Variants in IL1RAPL2 observed in about 807,000 individuals in gnomAD.
IL1RAPL2 encodes the protein X-linked interleukin-1 receptor accessory protein-like 2.
In IL1RAPL2, 3 loss-of-function variants were observed where a neutral mutation model predicts 44.1. The ratio of observed to expected loss-of-function variants is 0.07; its 90% CI spans 0.03 to 0.18. The LOEUF (loss-of-function observed/expected upper bound fraction) is 0.18. Ranked by LOEUF, IL1RAPL2 falls within the 10% of genes least tolerant of loss-of-function variation. The pLI, the probability that IL1RAPL2 is intolerant of heterozygous loss-of-function variation, is 1.00. For synonymous variants in IL1RAPL2, 181 were observed against 178.8 expected (o/e 1.01, Z -0.10); for missense variants, 391 against 496.4 (o/e 0.79, Z 2.02).
chrX:105,572,337 C>T (rs1398178489), intron 6 of IL1RAPL2, among the ~76,000 whole-genome samples: 1 of 111,874 alleles, frequency 8.9e-6, no homozygotes, highest in Non-Finnish European at 1.9e-5. Flanking sequence ...TGTTTATTTT[C>T]TGAGTGAAAG....
At chrX:105,093,013 C>T (rs1161159121) in intron 2 of IL1RAPL2, among the ~76,000 whole-genome samples, 4 of 111,381 alleles carry the variant, frequency 3.6e-5, no homozygotes, top group Admixed American at 1.9e-4. Context: ...TCATAGCTCT[C>T]AAATTTGAAC....
chrX:105,041,624 T>G (rs1480577406), intron 2 of IL1RAPL2, among the ~76,000 whole-genome samples: 3 of 109,760 alleles, frequency 2.7e-5, no homozygotes, highest in Non-Finnish European at 5.7e-5. Flanking sequence ...CTAGGAAGAA[T>G]CAATATCGTG....
intron 3 of IL1RAPL2, among the ~76,000 whole-genome samples, chrX:105,217,041 G>T (rs1165656648): frequency 9.3e-6 from 1 of 107,839 alleles, no homozygotes; most frequent in East Asian, 2.9e-4. Flanking sequence ...ACATAGGCAT[G>T]GGCAAGGACT....
chrX:105,134,264 G>T (rs978652645), intron 2 of IL1RAPL2, among the ~76,000 whole-genome samples: 1 of 112,159 alleles, frequency 8.9e-6, no homozygotes, highest in South Asian at 3.7e-4. Flanking sequence ...ATTAGCCAAT[G>T]GCTTAAATGA....
At position 105,329,168 on chromosome X, in the gene IL1RAPL2, T is replaced by A. The variant is rs1356624567; in HGVS notation, c.697+61627T>A. ...CAACAGAACTGATACATTGTTGAGA[T>A]GACCCAGGACCTGGAAGTGTAGGGA... On this transcript the variant is annotated intron_variant, in intron 5 of 10. Coordinates refer to ENST00000372582, the MANE Select transcript of IL1RAPL2 (RefSeq NM_017416.2). Among the ~76,000 whole-genome samples the A allele has an allele frequency of 3.6e-5, 4 of 112,498 alleles. No individual in the cohort carries two copies. The Admixed American group carries it at 3.8e-4, about 11-fold the overall frequency.
intron 5 of IL1RAPL2, among the ~76,000 whole-genome samples, chrX:105,447,426 TATATAA>T (rs2035974208): frequency 1.4e-5 from 1 of 71,396 alleles, no homozygotes; most frequent in Non-Finnish European, 2.3e-5. Context: ...TATATAAATA[TATATAA>T]ATATAAGTAT....
At chrX:105,057,150 C>G (rs1013594622) in intron 2 of IL1RAPL2, among the ~76,000 whole-genome samples, 1 of 109,484 alleles carries the variant, frequency 9.1e-6, no homozygotes, top group Non-Finnish European at 1.9e-5. Flanking sequence ...CAACAAAATG[C>G]TTTCTGCTCA....
chrX:105,219,557 G>C (rs2033919184), intron 3 of IL1RAPL2: 1 of 1,207,018 alleles, frequency 8.3e-7, no homozygotes, highest in Non-Finnish European at 1.1e-6. Flanking sequence ...GCCTCCACAG[G>C]GGGAGCCATG....
chrX:104,948,629 C>G (rs1468179138), intron 2 of IL1RAPL2, among the ~76,000 whole-genome samples: 11 of 111,065 alleles, frequency 9.9e-5, no homozygotes, highest in African/African-American at 2.9e-4. Context: ...TAGCATGAAG[C>G]ATTGTTGAAT....
chrX:105,283,645 G>A (rs2034549079), intron 5 of IL1RAPL2, among the ~76,000 whole-genome samples: 2 of 110,773 alleles, frequency 1.8e-5, no homozygotes, highest in African/African-American at 3.3e-5. Flanking sequence ...ATTTTGTGAG[G>A]GGTTACAAAA....
At chrX:104,804,823 A>C (rs893331915) in intron 2 of IL1RAPL2, among the ~76,000 whole-genome samples, 5 of 112,741 alleles carry the variant, frequency 4.4e-5, no homozygotes, top group East Asian at 5.6e-4. Flanking sequence ...ATGATCTATT[A>C]AATTGGGTTT....
intron 2 of IL1RAPL2, among the ~76,000 whole-genome samples, chrX:104,913,478 G>T (rs1490823966): frequency 9.0e-6 from 1 of 111,627 alleles, no homozygotes; most frequent in Non-Finnish European, 1.9e-5. Flanking sequence ...GTTTGCTCTG[G>T]GTAGCCTATA....
chrX:105,412,965 C>T (rs2035707576), intron 5 of IL1RAPL2, among the ~76,000 whole-genome samples: 2 of 111,283 alleles, frequency 1.8e-5, no homozygotes, highest in Admixed American at 1.9e-4. Flanking sequence ...TGGAATGTTA[C>T]CCTATTTTTT....
chrX:105,308,156 T>A (rs1051400713), intron 5 of IL1RAPL2, among the ~76,000 whole-genome samples: 9 of 111,364 alleles, frequency 8.1e-5, no homozygotes, highest in Non-Finnish European at 1.7e-4. Flanking sequence ...GAAAACATTC[T>A]AGTCTTTCCC....
At chrX:105,111,834 A>G (rs994460589) in intron 2 of IL1RAPL2, among the ~76,000 whole-genome samples, 1 of 112,180 alleles carries the variant, frequency 8.9e-6, no homozygotes, top group African/African-American at 3.2e-5. Context: ...TATGGTAGAC[A>G]TTTAATGCAT....
At chrX:105,592,237 C>T (rs762255165) in intron 6 of IL1RAPL2, among the ~76,000 whole-genome samples, 1 of 111,403 alleles carries the variant, frequency 9.0e-6, no homozygotes, top group South Asian at 3.8e-4. Flanking sequence ...CAATAGCAAC[C>T]GTCAATTTTT....
intron 4 of IL1RAPL2, among the ~76,000 whole-genome samples, chrX:105,264,772 G>A (rs1029137246): frequency 5.4e-5 from 6 of 111,641 alleles, no homozygotes; most frequent in African/African-American, 1.9e-4. Context: ...AGAACTTGGG[G>A]GAGCCCCACA....
intron 5 of IL1RAPL2, among the ~76,000 whole-genome samples, chrX:105,447,468 A>T (rs1271432998): frequency 1.3e-5 from 1 of 74,542 alleles, no homozygotes; most frequent in Non-Finnish European, 2.2e-5. Flanking sequence ...CATAAATATA[A>T]ATATAAATAA....
At chrX:105,368,879 C>T (rs756115066) in intron 5 of IL1RAPL2, among the ~76,000 whole-genome samples, 1 of 109,695 alleles carries the variant, frequency 9.1e-6, no homozygotes, top group Non-Finnish European at 1.9e-5. Flanking sequence ...CTTTTTTATT[C>T]TTTTCCCTTT....
Sources: allele counts gnomAD v4.1 joint callset (sites outside exome capture counted in the v4.1 genomes callset), GRCh38; gene constraint gnomAD v4.1.1; transcripts MANE v1.5; gene names NCBI Gene and HGNC (gene_info 2026-07-23, HGNC 2026-07-21).